Variants in UNC80 observed in about 807,000 individuals in gnomAD.
UNC80 encodes protein unc-80 homolog.
Under a neutral mutation model 384.6 loss-of-function variants are expected in UNC80, and 164 were observed. That is an observed-to-expected ratio of 0.43 (90% confidence interval 0.38 to 0.49). The LOEUF (loss-of-function observed/expected upper bound fraction) is 0.49, where lower values mean the gene tolerates loss of function less well. Among genes scored for constraint, UNC80 ranks in the 20% least tolerant of loss-of-function variants. The pLI, the probability that UNC80 is intolerant of heterozygous loss-of-function variation, is 0.00. For missense variants in UNC80, 3,330 were observed against 4,143.0 expected, an observed-to-expected ratio of 0.80 and a Z score of 5.39; for synonymous variants, 1,486 against 1,527.8, an observed-to-expected ratio of 0.97 and a Z score of 0.64.
rs1375146514 is a variant in UNC80 at position 209,995,669 on chromosome 2, T to C, written c.*74T>C. 1 of 1,479,190 alleles carries C rather than the reference T, an allele frequency of 6.8e-7. No individual in the cohort carries two copies. Among genetic ancestry groups the C allele is most frequent in the Non-Finnish European group, 9.0e-7 (1 of 1,107,622 alleles). The allele number at this position is 1,479,190 out of a possible 1,614,324, so 91.6% of individuals were successfully genotyped here. ...CTCTCTACTACAAGTTCAATACTTT[T>C]GCTTGAAAAAGATTAATTACAAAAT... On this transcript the variant is annotated 3_prime_UTR_variant, in exon 65 of 65. Transcript: ENST00000673920.
intron 48 of UNC80, among the ~76,000 whole-genome samples, chr2:209,956,989 A>T (rs2092442824): frequency 6.6e-6 from 1 of 152,232 alleles, no homozygotes; most frequent in Non-Finnish European, 1.5e-5. Flanking sequence ...TTGCTTTAAA[A>T]AAAACTGCAT....
chr2:209,773,966 A>G (rs565942282), intron 2 of UNC80, among the ~76,000 whole-genome samples: 2 of 152,376 alleles, frequency 1.3e-5, no homozygotes, highest in African/African-American at 2.4e-5. Context: ...ACATGAAATC[A>G]TGAAGCAAAA....
intron 47 of UNC80, among the ~76,000 whole-genome samples, chr2:209,951,872 T>G (rs1161216304): frequency 6.6e-6 from 1 of 152,196 alleles, no homozygotes; most frequent in African/African-American, 2.4e-5. Context: ...ATATGTCTCT[T>G]ATGTTCTTTC....
chr2:209,986,391 G>A (rs2093288317), intron 61 of UNC80, among the ~76,000 whole-genome samples: 2 of 152,140 alleles, frequency 1.3e-5, no homozygotes, highest in Non-Finnish European at 2.9e-5. Context: ...GTTTGAGATT[G>A]TTTTTATGAA....
At chr2:209,926,635 A>G (rs530900009) in intron 35 of UNC80, among the ~76,000 whole-genome samples, 3 of 152,062 alleles carry the variant, frequency 2.0e-5, no homozygotes, top group Admixed American at 6.6e-5. Flanking sequence ...AATTAGTCAG[A>G]TGTGGTGGCA....
chr2:209,906,665 T>C (rs1220881797), intron 29 of UNC80, among the ~76,000 whole-genome samples: 1 of 152,072 alleles, frequency 6.6e-6, no homozygotes. Context: ...CTGAGGGGAA[T>C]GAAGGTGGAG....
Position 209,771,885 on chromosome 2 carries a change from C to T in UNC80, c.-188C>T. ...GGCTCCTCCAGCCCTCCCCTCCTCC[C>T]GCAGCCATGTTCCACGCGCGGGGAG... On this transcript the variant is annotated 5_prime_UTR_variant, in exon 1 of 65. Coordinates refer to ENST00000673920, the MANE Select transcript of UNC80 (RefSeq NM_001371986.1). The T allele has an allele frequency of 1.7e-6, 1 of 591,346 alleles. No homozygotes were observed. The highest frequency in any genetic ancestry group is 2.6e-5 in the Admixed American group (1 of 39,068). 36.6% of individuals were successfully genotyped at this position (591,346 alleles called of 1,614,324 possible). A position where few individuals can be genotyped will look rare whatever the true frequency, so the allele number is the denominator to read the frequency against.
At chr2:209,791,346 G>T (rs1265173966) in intron 6 of UNC80, among the ~76,000 whole-genome samples, 2 of 151,998 alleles carry the variant, frequency 1.3e-5, no homozygotes, top group Admixed American at 1.3e-4. Context: ...ATTGACTGTC[G>T]CTGCAAGACC....
intron 51 of UNC80, among the ~76,000 whole-genome samples, chr2:209,960,047 G>T (rs1028827742): frequency 1.3e-5 from 2 of 152,118 alleles, no homozygotes; most frequent in Non-Finnish European, 2.9e-5. Context: ...GCCCAGATTC[G>T]AATTTTTCAC....
chr2:209,808,911 C>A, intron 7 of UNC80: 1 of 282,676 alleles, frequency 3.5e-6, no homozygotes, highest in Non-Finnish European at 6.8e-6. Context: ...AGCAGCCCTA[C>A]CACCAGGCCC....
chr2:209,833,511 T>A (rs901621474), intron 16 of UNC80, among the ~76,000 whole-genome samples: 2 of 152,212 alleles, frequency 1.3e-5, no homozygotes, highest in Admixed American at 1.3e-4. Context: ...GCAAAACACA[T>A]CATCCTTTGA....
intron 47 of UNC80, among the ~76,000 whole-genome samples, chr2:209,953,880 C>T (rs1260072453): frequency 6.6e-6 from 1 of 152,168 alleles, no homozygotes; most frequent in Non-Finnish European, 1.5e-5. Flanking sequence ...TCACATGTTT[C>T]CTTAAGGCAA....
intron 7 of UNC80, chr2:209,808,759 T>G: frequency 2.4e-5 from 1 of 42,262 alleles, no homozygotes; most frequent in Non-Finnish European, 3.8e-5. Context: ...GTGGGTCGCC[T>G]GCGCTACTTC....
At position 209,969,754 on chromosome 2, in the gene UNC80, A is replaced by G. The variant is rs2125010988; in HGVS notation, c.8007-14A>G. ...GGGAGCCAAGACGCTAATGGCGCCT[A>G]TATTGTATTCCAGGCGACAGGTTGA... On this transcript the variant is annotated splice_polypyrimidine_tract_variant and intron_variant, in intron 52 of 64. Coordinates refer to ENST00000673920, the MANE Select transcript of UNC80 (RefSeq NM_001371986.1). The G allele has an allele frequency of 6.4e-7, 1 of 1,551,594 alleles. No homozygotes were observed.
At chr2:209,844,670 G>A (rs913241069) in intron 21 of UNC80, among the ~76,000 whole-genome samples, 12 of 150,896 alleles carry the variant, frequency 8.0e-5, no homozygotes, top group African/African-American at 2.2e-4. Context: ...GTCCACTGCC[G>A]CCTCAAACTC....
rs1415847172 is a variant in UNC80 at position 209,999,040 on chromosome 2, A to T, written c.*3445A>T. 6.6e-6 allele frequency: 1 copy of T among 152,190 alleles called. No individual in the cohort carries two copies. Among genetic ancestry groups the T allele is most frequent in the Non-Finnish European group, 1.5e-5 (1 of 68,046 alleles). The allele number at this position is 152,190 out of a possible 1,614,324, so 9.4% of individuals were successfully genotyped here. On this transcript the variant is annotated 3_prime_UTR_variant, in exon 65 of 65. Transcript: ENST00000673920. ...GATTACAGATCAATTTACCTCCATA[A>T]ATCTTTGAATTGTCACTGTGACCAC... is the stretch of plus-strand genomic sequence containing the variant.
intron 61 of UNC80, among the ~76,000 whole-genome samples, chr2:209,991,453 C>T (rs1035679638): frequency 6.6e-6 from 1 of 152,150 alleles, no homozygotes; most frequent in African/African-American, 2.4e-5. Flanking sequence ...ATACAAAAGA[C>T]ACACATACAC....
chr2:209,778,123 C>G (rs2153824717), intron 4 of UNC80, among the ~76,000 whole-genome samples: 1 of 152,310 alleles, frequency 6.6e-6, no homozygotes, highest in South Asian at 2.1e-4. Flanking sequence ...TAAGTTTTAG[C>G]CAGGCGCGGT....
intron 36 of UNC80, among the ~76,000 whole-genome samples, chr2:209,927,479 T>G (rs1230932673): frequency 6.6e-6 from 1 of 152,236 alleles, no homozygotes; most frequent in African/African-American, 2.4e-5. Flanking sequence ...TATAACTCAC[T>G]AATAATTTTT....
Sources: allele counts gnomAD v4.1 joint callset (sites outside exome capture counted in the v4.1 genomes callset), GRCh38; gene constraint gnomAD v4.1.1; transcripts MANE v1.5; gene names NCBI Gene and HGNC (gene_info 2026-07-23, HGNC 2026-07-21).